NAA30: variants seen among roughly 807,000 people sequenced by gnomAD.
NAA30 encodes N-alpha-acetyltransferase 30, NatC catalytic subunit, also known as N-alpha-acetyltransferase 30.
Under a neutral mutation model 31.4 loss-of-function variants are expected in NAA30, and 5 were observed. The ratio of observed to expected loss-of-function variants is 0.16; its 90% CI spans 0.08 to 0.33. The LOEUF (loss-of-function observed/expected upper bound fraction) is 0.33, where lower values mean the gene tolerates loss of function less well. NAA30 is among the 10% of genes least tolerant of loss of function. The probability of loss-of-function intolerance (pLI) is 1.00; values close to 1 mark genes in which losing one functional copy is unlikely to be tolerated. For synonymous variants in NAA30, 222 were observed against 207.1 expected, an observed-to-expected ratio of 1.07 and a Z score of -0.62; for missense variants, 428 against 490.8, an observed-to-expected ratio of 0.87 and a Z score of 1.21.
chr14:57,397,374 C>G (rs2066455385), intron 3 of NAA30, among the ~76,000 whole-genome samples: 1 of 152,124 alleles, frequency 6.6e-6, no homozygotes, highest in African/African-American at 2.4e-5. Context: ...TTGTAATTCC[C>G]AAACTTAATT....
chr14:57,394,369 A>G lies in NAA30; in HGVS notation c.772-2383A>G, dbSNP rs901617225. 3.9e-5 allele frequency among the ~76,000 whole-genome samples: 6 copies of G among 152,092 alleles called. No homozygotes were observed. In the East Asian group the frequency reaches 1.2e-3, roughly 29 times the overall value. On this transcript the variant is annotated intron_variant, in intron 2 of 4. Coordinates refer to ENST00000556492, the MANE Select transcript of NAA30 (RefSeq NM_001011713.3). ...CTTTATTTTTTTCATAGTTTTATAG[A>G]CTGACAACCCTTTGGCCTTGTAGTG...
chr14:57,393,011 G>C (rs981823223), intron 2 of NAA30, among the ~76,000 whole-genome samples: 1 of 152,200 alleles, frequency 6.6e-6, no homozygotes, highest in Non-Finnish European at 1.5e-5. Context: ...AGACATGTCT[G>C]TGTCAATGAA....
At chr14:57,404,552 A>T (rs1222599730) in intron 4 of NAA30, among the ~76,000 whole-genome samples, 1 of 152,200 alleles carries the variant, frequency 6.6e-6, no homozygotes, top group Non-Finnish European at 1.5e-5. Context: ...AGAAGAAGAA[A>T]GTTCACTACC....
intron 2 of NAA30, among the ~76,000 whole-genome samples, chr14:57,396,431 TTG>T (rs2066450805): frequency 6.6e-6 from 1 of 151,744 alleles, no homozygotes; most frequent in Non-Finnish European, 1.5e-5. Context: ...TTGCAAATAA[TTG>T]TGATTTTAAG....
Position 57,391,830 on chromosome 14 carries a change from G to T in NAA30, c.771+102G>T. ...TGTGGCAGTGGATATCTCCTGCTGCGTATCATAGTACGTTATATGATGTCA... is the reference window on the plus strand; with the variant it reads ...TGTGGCAGTGGATATCTCCTGCTGCTTATCATAGTACGTTATATGATGTCA... On this transcript the variant is annotated intron_variant, in intron 2 of 4. Transcript: ENST00000556492. The surrounding 1 kb of genome is among the most constrained non-coding windows in gnomAD (Gnocchi z 4.1). The T allele has an allele frequency of 1.2e-6, 1 of 840,890 alleles. No homozygotes were observed. Among genetic ancestry groups the T allele is most frequent in the Non-Finnish European group, 1.9e-6 (1 of 528,908 alleles). The allele number at this position is 840,890 out of a possible 1,614,324, so 52.1% of individuals were successfully genotyped here.
In NAA30 at chr14:57,391,764, A is replaced by G. The variant is rs1445727017; in HGVS notation, c.771+36A>G. 2 of 1,543,496 alleles carry G rather than the reference A, an allele frequency of 1.3e-6. No individual in the cohort carries two copies. Among genetic ancestry groups the G allele is most frequent in the East Asian group, 2.2e-5 (1 of 44,484 alleles). On this transcript the variant is annotated intron_variant, in intron 2 of 4. Coordinates refer to ENST00000556492, the MANE Select transcript of NAA30 (RefSeq NM_001011713.3). This position sits in a 1 kb window ranked among gnomAD's most constrained non-coding sequence, Gnocchi z 4.1. Reference sequence around the variant, plus strand: ...AGAATAAAAAGAGGGTGAACCCAGCAGTGATCGAGACTGTGCGGGGCAGGG... The same window carrying G: ...AGAATAAAAAGAGGGTGAACCCAGCGGTGATCGAGACTGTGCGGGGCAGGG...
At chr14:57,407,453 A>G (rs978873310) in intron 4 of NAA30, among the ~76,000 whole-genome samples, 2 of 152,280 alleles carry the variant, frequency 1.3e-5, no homozygotes, top group East Asian at 3.9e-4. Context: ...TTGCTGGGTG[A>G]TATAAAAGGA....
chr14:57,394,216 C>CT (rs916033787), intron 2 of NAA30, among the ~76,000 whole-genome samples: 6 of 150,868 alleles, frequency 4.0e-5, no homozygotes, highest in Admixed American at 6.6e-5. Context: ...TTGTTGGTAT[C>CT]TTTTTGAAGT....
chr14:57,409,326 T>C, intron 4 of NAA30, 53 bp from the exon 5 acceptor site: 1 of 1,411,742 alleles, frequency 7.1e-7, no homozygotes, highest in Non-Finnish European at 9.5e-7. Flanking sequence ...AGTTGGTAAA[T>C]TATTTTTTAA....
Position 57,415,389 on chromosome 14 carries a change from C to G in NAA30, c.*5873C>G, listed in dbSNP as rs2066542840. On this transcript the variant is annotated 3_prime_UTR_variant, in exon 5 of 5. Coordinates refer to ENST00000556492, the MANE Select transcript of NAA30 (RefSeq NM_001011713.3). Reference sequence around the variant, plus strand: ...TCCTTTCATGCCAAAGAAACTCACCCTTTTTAAAAGCCAGCAGGTTGCACA... The same window carrying G: ...TCCTTTCATGCCAAAGAAACTCACCGTTTTTAAAAGCCAGCAGGTTGCACA... The G allele has an allele frequency of 6.6e-6, 1 of 152,114 alleles. No individual in the cohort carries two copies. Among genetic ancestry groups the G allele is most frequent in the African/African-American group, 2.4e-5 (1 of 41,418 alleles). 9.4% of individuals were successfully genotyped at this position (152,114 alleles called of 1,614,324 possible). A position where few individuals can be genotyped will look rare whatever the true frequency, so the allele number is the denominator to read the frequency against.
Position 57,391,788 on chromosome 14 carries a change from G to T in NAA30, c.771+60G>T. ...CAGTGATCGAGACTGTGCGGGGCAG[G>T]GAGTGAGGGCCCAGAATGTGGCAGT... is the stretch of plus-strand genomic sequence containing the variant. On this transcript the variant is annotated intron_variant, in intron 2 of 4. Transcript: ENST00000556492. The surrounding 1 kb of genome is among the most constrained non-coding windows in gnomAD (Gnocchi z 4.1). 7.2e-7 allele frequency: 1 copy of T among 1,393,436 alleles called. No homozygotes were observed. 86.3% of individuals were successfully genotyped at this position (1,393,436 alleles called of 1,614,324 possible). A position where few individuals can be genotyped will look rare whatever the true frequency, so the allele number is the denominator to read the frequency against.
intron 4 of NAA30, among the ~76,000 whole-genome samples, chr14:57,406,514 C>T (rs2066498679): frequency 6.6e-6 from 1 of 152,118 alleles, no homozygotes; most frequent in South Asian, 2.1e-4. Context: ...GAGTTTTATT[C>T]ATCTGTAAAA....
Position 57,391,464 on chromosome 14 carries a change from G to A in NAA30, c.507G>A (p.Leu169=). 6.2e-7 allele frequency: 1 copy of A among 1,611,310 alleles called. No individual in the cohort carries two copies. The highest frequency in any genetic ancestry group is 8.5e-7 in the Non-Finnish European group (1 of 1,178,984). The change falls in exon 2 of 5, where the codon CTG becomes CTA. Residue 169 remains leucine, a synonymous_variant. Coordinates refer to ENST00000556492, the MANE Select transcript of NAA30 (RefSeq NM_001011713.3). This position sits in a 1 kb window ranked among gnomAD's most constrained non-coding sequence, Gnocchi z 4.1. ...ATCCCGCGGCGGCCCGCAATGGACT[G>A]GCCGAGGGCACCGAGCAGGAGGAGG... ...ASDPAAARNG[L]AEGTEQEEEE...
chr14:57,408,114 T>G (rs2066507549), intron 4 of NAA30, among the ~76,000 whole-genome samples: 1 of 152,176 alleles, frequency 6.6e-6, no homozygotes, highest in Non-Finnish European at 1.5e-5. Flanking sequence ...CATCAGTTGT[T>G]TGCATTCTTG....
At position 57,412,941 on chromosome 14, in the gene NAA30, CATG is replaced by C. The variant is rs1218461544; in HGVS notation, c.*3427_*3429del. 6.6e-6 allele frequency: 1 copy of C among 152,162 alleles called. No homozygotes were observed. Among genetic ancestry groups the C allele is most frequent in the African/African-American group, 2.4e-5 (1 of 41,436 alleles). The allele number at this position is 152,162 out of a possible 1,614,324, so 9.4% of individuals were successfully genotyped here. ...TCTGACAAAGTAAATTTGAAAATAACATGAACTTGATTTTTCTAAAAGTACTCA... is the reference window on the plus strand; with the variant it reads ...TCTGACAAAGTAAATTTGAAAATAACAACTTGATTTTTCTAAAAGTACTCA... On this transcript the variant is annotated 3_prime_UTR_variant, in exon 5 of 5. Coordinates refer to ENST00000556492, the MANE Select transcript of NAA30 (RefSeq NM_001011713.3).
chr14:57,391,107 C>T lies in NAA30; in HGVS notation c.150C>T (p.Gly50=), dbSNP rs370841451. Residue 50 remains glycine, a synonymous_variant, in exon 2 of 5, where the codon GGC becomes GGT. Coordinates refer to ENST00000556492, the MANE Select transcript of NAA30 (RefSeq NM_001011713.3). This position sits in a 1 kb window ranked among gnomAD's most constrained non-coding sequence, Gnocchi z 4.1. The stretch of plus-strand genomic sequence containing the variant: ...AGGAGGACGACGAAGAGCACGAAGG[C>T]GGCGGCAGCAGGAGCCCGGCGGGCG... ...EDEEDDEEHE[G]GGSRSPAGGE... 1.4e-5 allele frequency: 22 copies of T among 1,571,392 alleles called. No homozygotes were observed. Among genetic ancestry groups the T allele is most frequent in the South Asian group, 2.4e-5 (2 of 84,878 alleles).
chr14:57,410,124 T>C lies in NAA30; in HGVS notation c.*608T>C, dbSNP rs3825621. 110,456 of 152,492 alleles carry C rather than the reference T, an allele frequency of 0.72. 45,268 individuals are homozygous for C. Among genetic ancestry groups the C allele is most frequent in the Non-Finnish European group, 0.89 (60,568 of 67,968 alleles). The allele number at this position is 152,492 out of a possible 1,614,324, so 9.4% of individuals were successfully genotyped here. A position where few individuals can be genotyped will look rare whatever the true frequency, so the allele number is the denominator to read the frequency against. ...AGATAAGTATATTTGTCTTCATCTC[T>C]AGTTTTTGAATGCATGCTATCTTTT... On this transcript the variant is annotated 3_prime_UTR_variant, in exon 5 of 5. Coordinates refer to ENST00000556492, the MANE Select transcript of NAA30 (RefSeq NM_001011713.3).
rs1249879935 is a variant in NAA30, at chr14:57,412,781, A to G, written c.*3265A>G. ...TTTTCTTTTAGATACAGCTGTGTGC[A>G]TTTTATGATTGGGTTGTTTTGCTTT... is the stretch of plus-strand genomic sequence containing the variant. On this transcript the variant is annotated 3_prime_UTR_variant, in exon 5 of 5. Coordinates refer to ENST00000556492, the MANE Select transcript of NAA30 (RefSeq NM_001011713.3). 5.3e-5 allele frequency: 8 copies of G among 152,190 alleles called. No homozygotes were observed. In the East Asian group the frequency reaches 1.3e-3, roughly 26 times the overall value. 9.4% of individuals were successfully genotyped at this position (152,190 alleles called of 1,614,324 possible).
chr14:57,401,522 T>C (rs1385552204), intron 4 of NAA30, among the ~76,000 whole-genome samples: 1 of 152,254 alleles, frequency 6.6e-6, no homozygotes, highest in Admixed American at 6.5e-5. Flanking sequence ...GGTCCATGTT[T>C]GGACCATAGC....
Sources: gnomAD v4.1 joint callset for allele counts (sites outside exome capture counted in the v4.1 genomes callset) on GRCh38, gnomAD v4.1.1 for gene constraint, Gnocchi (gnomAD v3.1) non-coding constraint, MANE v1.5 for transcripts, NCBI Gene and HGNC (gene_info 2026-07-23, HGNC 2026-07-21) for gene names.